OSBPL8: variants seen among roughly 807,000 people sequenced by gnomAD.
The protein encoded by OSBPL8 is oxysterol binding protein like 8.
In OSBPL8, 59 loss-of-function variants were observed where a neutral mutation model predicts 125.5. The ratio of observed to expected loss-of-function variants is 0.47; its 90% CI spans 0.38 to 0.58. The LOEUF (loss-of-function observed/expected upper bound fraction) is 0.58. Among genes scored for constraint, OSBPL8 ranks in the 20% least tolerant of loss-of-function variants. OSBPL8 has a pLI of 0.00. For missense variants in OSBPL8, 758 were observed against 1,047.8 expected, an observed-to-expected ratio of 0.72 and a Z score of 3.82; for synonymous variants, 330 against 338.9, an observed-to-expected ratio of 0.97 and a Z score of 0.29.
intron 1 of OSBPL8, among the ~76,000 whole-genome samples, chr12:76,501,663 T>C (rs1879914913): frequency 6.6e-6 from 1 of 152,230 alleles, no homozygotes. Flanking sequence ...AGGTTATGCA[T>C]GGCTCAGCAA....
At chr12:76,556,054 G>C (rs1293102665) in intron 1 of OSBPL8, among the ~76,000 whole-genome samples, 1 of 152,134 alleles carries the variant, frequency 6.6e-6, no homozygotes, top group East Asian at 1.9e-4. Context: ...TAAATGACCT[G>C]TTCCCCTTCT....
Position 76,355,904 on chromosome 12 carries a change from G to A in OSBPL8, c.2655C>T (p.Asn885=), listed in dbSNP as rs752148477. Residue 885 remains asparagine (N), a synonymous_variant, in exon 24 of 24, where the codon AAC becomes AAT. Coordinates refer to ENST00000261183, the MANE Select transcript of OSBPL8 (RefSeq NM_020841.5). The part of the protein sequence containing the change: ...FLLILLQVII[N]FMFK ...TAGAGAACTTCTACTTGAACATGAA[G>A]TTTATTATGACTTGAAGCAAAATCA... The A allele has an allele frequency of 9.3e-6, 15 of 1,613,326 alleles. No homozygotes were observed. In the Admixed American group the frequency reaches 2.3e-4, roughly 25 times the overall value.
intron 19 of OSBPL8, among the ~76,000 whole-genome samples, chr12:76,370,834 G>C (rs937535948): frequency 1.3e-5 from 2 of 152,148 alleles, no homozygotes; most frequent in African/African-American, 4.8e-5. Flanking sequence ...TAAGTACTAA[G>C]TGCCTAGCAA....
intron 1 of OSBPL8, among the ~76,000 whole-genome samples, chr12:76,541,675 C>T (rs938084897): frequency 1.2e-4 from 18 of 150,822 alleles, no homozygotes; most frequent in Admixed American, 1.1e-3. Context: ...GCCAACATGG[C>T]GAAACCCTGT....
At position 76,353,994 on chromosome 12, in the gene OSBPL8, TAAC is replaced by T. The variant is rs1162292516; in HGVS notation, c.*1892_*1894del. ...GAGGTGGGTCACCAGTACAAAATGT[TAAC>T]AAGGTTTACTGATGAAATGATTTTT... On this transcript the variant is annotated 3_prime_UTR_variant, in exon 24 of 24. Transcript: ENST00000261183. 1 of 152,392 alleles carries T rather than the reference TAAC, an allele frequency of 6.6e-6. No individual in the cohort carries two copies. The highest frequency in any genetic ancestry group is 6.6e-5 in the Admixed American group (1 of 15,266). 9.4% of individuals were successfully genotyped at this position (152,392 alleles called of 1,614,324 possible).
At chr12:76,530,340 GAGCCACCACACCC>G (rs1565974963) in intron 1 of OSBPL8, among the ~76,000 whole-genome samples, 1 of 150,002 alleles carries the variant, frequency 6.7e-6, no homozygotes, top group Non-Finnish European at 1.5e-5. Context: ...TTACAGCTGT[GAGCCACCACACCC>G]AGCCACCACA....
chr12:76,366,276 T>C (rs1952411440), intron 21 of OSBPL8, among the ~76,000 whole-genome samples: 1 of 152,244 alleles, frequency 6.6e-6, no homozygotes, highest in Admixed American at 6.5e-5. Context: ...ATTGAGATTT[T>C]CTATTTCTTT....
At chr12:76,435,272 A>C (rs1652777712) in intron 4 of OSBPL8, among the ~76,000 whole-genome samples, 1 of 152,146 alleles carries the variant, frequency 6.6e-6, no homozygotes, top group South Asian at 2.1e-4. Context: ...GCTGGAGGAC[A>C]TTATGCTAAG....
intron 1 of OSBPL8, among the ~76,000 whole-genome samples, chr12:76,515,876 T>A (rs1881485300): frequency 6.6e-6 from 1 of 152,186 alleles, no homozygotes; most frequent in South Asian, 2.1e-4. Context: ...TAGCTGCTTC[T>A]AGTCAGCCAT....
chr12:76,558,119 G>A (rs1951163897), intron 1 of OSBPL8, among the ~76,000 whole-genome samples: 1 of 80,706 alleles, frequency 1.2e-5, no homozygotes, highest in African/African-American at 4.1e-5. Flanking sequence ...TCCATACACG[G>A]TTAATATTAA....
intron 4 of OSBPL8, among the ~76,000 whole-genome samples, chr12:76,430,482 A>G (rs930695077): frequency 1.6e-4 from 24 of 152,242 alleles, no homozygotes; most frequent in Admixed American, 1.4e-3. Context: ...ATCAGTCTAC[A>G]TGAATCACAA....
rs530255164 is a variant in OSBPL8, at chr12:76,425,747, T to C, written c.218-15113A>G. ...CTTCCAAAACAATGAAGCATTCTAC[T>C]TTTTACCTAATCCTGGTTGAACATG... is the stretch of plus-strand genomic sequence containing the variant. On this transcript the variant is annotated intron_variant, in intron 4 of 23. Coordinates refer to ENST00000261183, the MANE Select transcript of OSBPL8 (RefSeq NM_020841.5). Among the ~76,000 whole-genome samples the C allele has an allele frequency of 5.3e-5, 8 of 152,342 alleles. No individual in the cohort carries two copies. The South Asian group carries it at 1.7e-3, about 32-fold the overall frequency.
intron 1 of OSBPL8, among the ~76,000 whole-genome samples, chr12:76,501,639 G>A (rs1359071249): frequency 2.0e-5 from 3 of 152,188 alleles, no homozygotes; most frequent in Non-Finnish European, 4.4e-5. Flanking sequence ...AAGTAGCCAT[G>A]GTGACAGGGA....
At chr12:76,413,440 CT>C (rs1262621719) in intron 4 of OSBPL8, among the ~76,000 whole-genome samples, 1 of 152,158 alleles carries the variant, frequency 6.6e-6, no homozygotes, top group Non-Finnish European at 1.5e-5. Context: ...TAATTTTCCC[CT>C]GTTGAACAAT....
intron 15 of OSBPL8, 98 bp from the exon 16 acceptor site, chr12:76,378,648 G>C: frequency 1.2e-6 from 1 of 801,322 alleles, no homozygotes; most frequent in Admixed American, 2.5e-5. Context: ...ATCTACAGTA[G>C]AAAGTCTTAA....
At chr12:76,402,595 G>T in intron 6 of OSBPL8, 94 bp downstream of exon 6, 3 of 885,676 alleles carry the variant, frequency 3.4e-6, no homozygotes, top group Admixed American at 5.4e-5. Flanking sequence ...TCTTTCTTTA[G>T]GAACACACAT....
chr12:76,409,652 T>C (rs1269001341), intron 5 of OSBPL8, among the ~76,000 whole-genome samples: 4 of 152,190 alleles, frequency 2.6e-5, no homozygotes, highest in Non-Finnish European at 5.9e-5. Context: ...AAAGTACTTT[T>C]AAACTTCTAG....
At chr12:76,396,640 G>C (rs1953816334) in intron 8 of OSBPL8, among the ~76,000 whole-genome samples, 1 of 152,100 alleles carries the variant, frequency 6.6e-6, no homozygotes, top group African/African-American at 2.4e-5. Flanking sequence ...TGGGGTCCTA[G>C]CTACTTGGGG....
chr12:76,360,960 C>T (rs895902776), intron 21 of OSBPL8, among the ~76,000 whole-genome samples: 3 of 152,204 alleles, frequency 2.0e-5, no homozygotes, highest in African/African-American at 7.2e-5. Flanking sequence ...GCCATGAAGA[C>T]CTGTGACATG....
Sources: gnomAD v4.1 joint callset for allele counts (sites outside exome capture counted in the v4.1 genomes callset) on GRCh38, gnomAD v4.1.1 for gene constraint, MANE v1.5 for transcripts, NCBI Gene and HGNC (gene_info 2026-07-23, HGNC 2026-07-21) for gene names.